Variants in DACH2 observed in about 807,000 individuals in gnomAD.
DACH2 encodes dachshund homolog 2.
Under a neutral mutation model 35.8 loss-of-function variants are expected in DACH2, and 17 were observed. The observed-to-expected ratio is 0.48, with a 90% confidence interval of 0.33 to 0.71. DACH2 has a LOEUF of 0.71. DACH2 is among the 30% of genes least tolerant of loss of function. The pLI, the probability that DACH2 is intolerant of heterozygous loss-of-function variation, is 0.02. For synonymous variants in DACH2, 195 were observed against 177.3 expected (o/e 1.10, Z -0.79); for missense variants, 469 against 472.7 (o/e 0.99, Z 0.07).
At chrX:86,334,458 A>C (rs1399011489) in intron 1 of DACH2, among the ~76,000 whole-genome samples, 2 of 111,662 alleles carry the variant, frequency 1.8e-5, no homozygotes, top group Non-Finnish European at 3.8e-5. Context: ...ATTCTAACTG[A>C]TGTGAGATGG....
intron 3 of DACH2, among the ~76,000 whole-genome samples, chrX:86,576,336 G>A (rs191887032): frequency 2.7e-5 from 3 of 111,745 alleles, no homozygotes; most frequent in Admixed American, 9.5e-5. Context: ...TGCCTAATAT[G>A]CATTAACATA....
At chrX:86,545,261 T>C (rs2038941564) in intron 3 of DACH2, among the ~76,000 whole-genome samples, 2 of 112,127 alleles carry the variant, frequency 1.8e-5, no homozygotes, top group East Asian at 2.8e-4. Context: ...GTAACATGGA[T>C]GGAGTTGGTG....
chrX:86,383,307 A>T (rs1419904757), intron 2 of DACH2, among the ~76,000 whole-genome samples: 1 of 109,233 alleles, frequency 9.2e-6, no homozygotes, highest in Non-Finnish European at 1.9e-5. Flanking sequence ...AGTATTTATT[A>T]AAAAACAAGA....
intron 2 of DACH2, among the ~76,000 whole-genome samples, chrX:86,396,006 A>T (rs1305070108): frequency 1.8e-5 from 2 of 111,706 alleles, no homozygotes; most frequent in South Asian, 3.7e-4. Flanking sequence ...TCCCACCAAC[A>T]GTGTAAAAGT....
At chrX:86,695,214 G>T (rs1384847206) in intron 5 of DACH2, 35 bp downstream of exon 5, 4 of 955,350 alleles carry the variant, frequency 4.2e-6, no homozygotes, top group Non-Finnish European at 5.3e-6. Flanking sequence ...TGGGTGTGTT[G>T]AACAAAATAC....
chrX:86,439,151 T>A, intron 2 of DACH2, among the ~76,000 whole-genome samples: 1 of 112,346 alleles, frequency 8.9e-6, no homozygotes, highest in Non-Finnish European at 1.9e-5. Context: ...ATTAATGATG[T>A]TGGACATTTT....
At chrX:86,482,292 C>A (rs1251778480) in intron 2 of DACH2, among the ~76,000 whole-genome samples, 1 of 111,948 alleles carries the variant, frequency 8.9e-6, no homozygotes. Flanking sequence ...TTTCAACTTA[C>A]AGTTAAAATT....
intron 2 of DACH2, among the ~76,000 whole-genome samples, chrX:86,496,649 T>C (rs1239062714): frequency 4.6e-5 from 5 of 108,805 alleles, no homozygotes; most frequent in Non-Finnish European, 5.7e-5. Flanking sequence ...CAGTCCAAAG[T>C]TTGGTTCAGA....
intron 1 of DACH2, among the ~76,000 whole-genome samples, chrX:86,175,448 C>T (rs1196587339): frequency 9.0e-6 from 1 of 111,477 alleles, no homozygotes; most frequent in East Asian, 2.8e-4. Flanking sequence ...GTATCAACAA[C>T]TCTTTCCAGG....
intron 3 of DACH2, among the ~76,000 whole-genome samples, chrX:86,532,861 C>T (rs903124831): frequency 9.0e-6 from 1 of 110,706 alleles, no homozygotes; most frequent in Non-Finnish European, 1.9e-5. Context: ...TAGAACCATA[C>T]ATTGTTCATT....
intron 5 of DACH2, among the ~76,000 whole-genome samples, chrX:86,704,935 G>C (rs1053325681): frequency 6.6e-5 from 7 of 106,311 alleles, no homozygotes; most frequent in Non-Finnish European, 1.3e-4. Flanking sequence ...ATACAAAAAA[G>C]ATAAATGCAC....
intron 2 of DACH2, among the ~76,000 whole-genome samples, chrX:86,441,339 TTTAGG>T (rs2037157846): frequency 9.0e-6 from 1 of 111,489 alleles, no homozygotes; most frequent in Non-Finnish European, 1.9e-5. Flanking sequence ...CGTTTTGATT[TTTAGG>T]TGCCACAAAT....
At chrX:86,310,204 C>A (rs1430835708) in intron 1 of DACH2, among the ~76,000 whole-genome samples, 1 of 112,302 alleles carries the variant, frequency 8.9e-6, no homozygotes, top group Non-Finnish European at 1.9e-5. Context: ...GAACTGGGTG[C>A]TTTCTGACCC....
chrX:86,733,387 T>C (rs762530911), intron 6 of DACH2, among the ~76,000 whole-genome samples: 135 of 112,073 alleles, frequency 1.2e-3, no homozygotes, highest in South Asian at 2.6e-3. Context: ...ACATGGTAAA[T>C]TTTAGTTCTG....
At chrX:86,449,674 C>T (rs1393353734) in intron 2 of DACH2, among the ~76,000 whole-genome samples, 5 of 110,820 alleles carry the variant, frequency 4.5e-5, no homozygotes, top group Non-Finnish European at 9.5e-5. Flanking sequence ...GATTTTGCTT[C>T]ATTGTTACCA....
At chrX:86,638,204 A>G (rs192888892) in intron 3 of DACH2, among the ~76,000 whole-genome samples, 1 of 112,012 alleles carries the variant, frequency 8.9e-6, no homozygotes, top group African/African-American at 3.2e-5. Flanking sequence ...ACATTGGATT[A>G]CCATATGCCG....
At chrX:86,445,533 G>GAA (rs200382737) in intron 2 of DACH2, among the ~76,000 whole-genome samples, 1,716 of 23,357 alleles carry the variant, frequency 0.073, 48 homozygotes, top group East Asian at 0.3. Context: ...AGAAAAAAAA[G>GAA]AAAAAAAAAA....
intron 2 of DACH2, among the ~76,000 whole-genome samples, chrX:86,406,771 T>G (rs948617189): frequency 1.8e-5 from 2 of 112,342 alleles, no homozygotes; most frequent in African/African-American, 3.2e-5. Context: ...AAACAGAATA[T>G]GCATGCTTAT....
At chrX:86,564,411 A>G (rs779304474) in intron 3 of DACH2, among the ~76,000 whole-genome samples, 56 of 111,105 alleles carry the variant, frequency 5.0e-4, no homozygotes, top group Non-Finnish European at 2.1e-4. Context: ...TGGAAATAGT[A>G]AGTAAGTGGG....
Sources: allele counts gnomAD v4.1 joint callset (sites outside exome capture counted in the v4.1 genomes callset), GRCh38; gene constraint gnomAD v4.1.1; transcripts MANE v1.5; gene names NCBI Gene and HGNC (gene_info 2026-07-23, HGNC 2026-07-21).